Variants in NXPE4 observed in about 807,000 individuals in gnomAD.
The protein encoded by NXPE4 is neurexophilin and PC-esterase domain family member 4.
In NXPE4, 42 loss-of-function variants were observed where a neutral mutation model predicts 33.3. The ratio of observed to expected loss-of-function variants is 1.26; its 90% confidence interval spans 0.98 to 1.63. The LOEUF is 1.63. Among genes scored for constraint, NXPE4 ranks in the 40% most tolerant of loss-of-function variants. The probability of loss-of-function intolerance (pLI) is 0.00; values close to 1 mark genes in which losing one functional copy is unlikely to be tolerated. For missense variants in NXPE4, 709 were observed against 647.6 expected (o/e 1.09, Z -1.03); for synonymous variants, 253 against 234.9 (o/e 1.08, Z -0.71).
the NXPE4 span, among the ~76,000 whole-genome samples, chr11:114,618,316 A>G: frequency 1.3e-5 from 2 of 152,074 alleles, no homozygotes; most frequent in African/African-American, 2.4e-5. Context: ...GTTGGATAAT[A>G]GGTATTGCTT....
At chr11:114,624,618 A>T in the NXPE4 span, among the ~76,000 whole-genome samples, 2 of 152,100 alleles carry the variant, frequency 1.3e-5, no homozygotes. Context: ...CTCATGGGCA[A>T]CCACTGTTAC....
At chr11:114,653,911 A>T in the NXPE4 span, among the ~76,000 whole-genome samples, 4 of 152,108 alleles carry the variant, frequency 2.6e-5, no homozygotes, top group Admixed American at 6.6e-5. Context: ...ACATTTGTAA[A>T]CTAGAGAGGA....
the NXPE4 span, among the ~76,000 whole-genome samples, chr11:114,645,282 C>T: frequency 0.065 from 9,850 of 152,116 alleles, 335 homozygotes; most frequent in South Asian, 0.1. Context: ...GCCTGGGTGA[C>T]AGAGTGAGAC....
the NXPE4 span, among the ~76,000 whole-genome samples, chr11:114,636,349 T>C: frequency 6.6e-6 from 1 of 151,898 alleles, no homozygotes; most frequent in East Asian, 1.9e-4. Flanking sequence ...TTGATTCTTC[T>C]CTCTTTTTTT....
the NXPE4 span, among the ~76,000 whole-genome samples, chr11:114,633,378 G>T: frequency 7.1e-6 from 1 of 140,488 alleles, no homozygotes; most frequent in Non-Finnish European, 1.5e-5. Context: ...AATATATTAT[G>T]TATTATATTA....
chr11:114,584,003 A>G (rs1458583960), intron 2 of NXPE4: 5 of 361,586 alleles, frequency 1.4e-5, no homozygotes, highest in Non-Finnish European at 2.7e-5. Context: ...AGTAATAGAG[A>G]TGTTCCTGTC....
chr11:114,665,397 A>T, the NXPE4 span, among the ~76,000 whole-genome samples: 3 of 152,162 alleles, frequency 2.0e-5, no homozygotes, highest in Admixed American at 1.3e-4. Context: ...AAATTCTGTG[A>T]ACATAGCACA....
At chr11:114,588,354 C>T (rs1949359236) in intron 2 of NXPE4, among the ~76,000 whole-genome samples, 1 of 152,218 alleles carries the variant, frequency 6.6e-6, no homozygotes, top group African/African-American at 2.4e-5. Context: ...GAGACTTAGG[C>T]CAATTTTCTG....
the NXPE4 span, among the ~76,000 whole-genome samples, chr11:114,664,563 C>T: frequency 1.3e-5 from 2 of 152,122 alleles, no homozygotes; most frequent in African/African-American, 4.8e-5. Context: ...CTGTTCTGCA[C>T]ACACAGAAGA....
chr11:114,667,181 G>A, the NXPE4 span, among the ~76,000 whole-genome samples: 2 of 152,080 alleles, frequency 1.3e-5, no homozygotes, highest in Admixed American at 6.6e-5. Flanking sequence ...GACAGAGAGT[G>A]ACAAAACTGG....
chr11:114,581,901 C>T (rs1443151857), intron 3 of NXPE4, 115 bp from the exon 4 acceptor site: 1 of 734,994 alleles, frequency 1.4e-6, no homozygotes, highest in Non-Finnish European at 2.3e-6. Flanking sequence ...ATTATTATGC[C>T]TACAGTTTCA....
rs1304400916 is a variant in NXPE4, at chr11:114,570,958, ATATAT to A, written c.1610_1614del (p.Asn537IlefsTer13). On this transcript the variant is annotated frameshift_variant, in exon 6 of 6. Transcript: ENST00000375478. LOFTEE classifies it high-confidence loss of function. ...GTTATTTAACAAATATAGTTTAATAATATATTAATCTGATTTCCGACTACATGTTG... is the reference window on the plus strand; with the variant it reads ...GTTATTTAACAAATATAGTTTAATAATAATCTGATTTCCGACTACATGTTG... 6.3e-7 allele frequency: 1 copy of A among 1,596,328 alleles called. No individual in the cohort carries two copies.
chr11:114,604,722 C>A, the NXPE4 span, among the ~76,000 whole-genome samples: 14 of 151,872 alleles, frequency 9.2e-5, no homozygotes, highest in East Asian at 1.8e-3. Context: ...TTGTGGGTAA[C>A]CACTGTTACT....
chr11:114,649,426 A>G, the NXPE4 span, among the ~76,000 whole-genome samples: 1 of 152,220 alleles, frequency 6.6e-6, no homozygotes, highest in Admixed American at 6.5e-5. Flanking sequence ...CTACTAGTAC[A>G]TGTTAGCATA....
In NXPE4 at chr11:114,570,864, C is replaced by A. The variant is rs1379186946; in HGVS notation, c.*74G>T. The A allele has an allele frequency of 1.9e-5, 20 of 1,055,408 alleles. No homozygotes were observed. Among genetic ancestry groups the A allele is most frequent in the Non-Finnish European group, 2.7e-5 (20 of 737,176 alleles). 65.4% of individuals were successfully genotyped at this position (1,055,408 alleles called of 1,614,324 possible). On this transcript the variant is annotated 3_prime_UTR_variant, in exon 6 of 6. Coordinates refer to ENST00000375478, the MANE Select transcript of NXPE4 (RefSeq NM_001077639.2). ...CTAGTTGGGAATTCAGAGCCAAACA[C>A]AGCATCTGGCCTGCTAGTAGACAGT... is the stretch of plus-strand genomic sequence containing the variant.
At chr11:114,634,486 T>C in the NXPE4 span, among the ~76,000 whole-genome samples, 1 of 152,102 alleles carries the variant, frequency 6.6e-6, no homozygotes, top group African/African-American at 2.4e-5. Flanking sequence ...CACTTGTCAA[T>C]TTTGGCTTTT....
the NXPE4 span, among the ~76,000 whole-genome samples, chr11:114,633,651 T>G: frequency 6.6e-6 from 1 of 150,990 alleles, no homozygotes; most frequent in Non-Finnish European, 1.5e-5. Flanking sequence ...AGTGTGATGT[T>G]CCCCTTCCTG....
At chr11:114,571,549 G>T (rs187590150) in intron 5 of NXPE4, 76 bp from the exon 6 acceptor site, 2 of 1,243,300 alleles carry the variant, frequency 1.6e-6, no homozygotes, top group South Asian at 1.5e-5. Context: ...AGATGGAAGA[G>T]ATTTGATTGG....
At chr11:114,601,264 C>A in the NXPE4 span, among the ~76,000 whole-genome samples, 1 of 150,054 alleles carries the variant, frequency 6.7e-6, no homozygotes, top group Non-Finnish European at 1.5e-5. Context: ...CTTTCTGAGT[C>A]TTCAAAATCC....
Sources: gnomAD v4.1 joint callset for allele counts (sites outside exome capture counted in the v4.1 genomes callset) on GRCh38, gnomAD v4.1.1 for gene constraint, MANE v1.5 for transcripts, NCBI Gene and HGNC (gene_info 2026-07-23, HGNC 2026-07-21) for gene names.